Variants in MAP4K4 observed in about 807,000 individuals in gnomAD.
MAP4K4 encodes the protein HPK/GCK-like kinase HGK.
In MAP4K4, 38 loss-of-function variants were observed where a neutral mutation model predicts 189.6. The ratio of observed to expected loss-of-function variants is 0.20; its 90% CI spans 0.15 to 0.26. MAP4K4 has a LOEUF of 0.26. MAP4K4 is among the 10% of genes least tolerant of loss of function. The probability of loss-of-function intolerance (pLI) is 1.00; values close to 1 mark genes in which losing one functional copy is unlikely to be tolerated. For missense variants in MAP4K4, 1,054 were observed against 1,726.9 expected (o/e 0.61, Z 6.91); for synonymous variants, 610 against 624.3 (o/e 0.98, Z 0.34).
chr2:101,725,916 A>C (rs908187264), intron 2 of MAP4K4, among the ~76,000 whole-genome samples: 1 of 151,730 alleles, frequency 6.6e-6, no homozygotes, highest in African/African-American at 2.4e-5. Flanking sequence ...TCCCCTTACA[A>C]CCTATTTTTT....
At chr2:101,703,617 CAAAAAAAAA>C (rs58122658) in intron 2 of MAP4K4, among the ~76,000 whole-genome samples, 2 of 39,012 alleles carry the variant, frequency 5.1e-5, no homozygotes, top group African/African-American at 1.4e-4. Context: ...GACTCTGTCT[CAAAAAAAAA>C]AAAAAAAAAA....
intron 2 of MAP4K4, among the ~76,000 whole-genome samples, chr2:101,788,215 C>A (rs751346024): frequency 4.6e-5 from 7 of 151,942 alleles, no homozygotes; most frequent in Admixed American, 6.6e-5. Context: ...ACATTTGAGA[C>A]AATTGCAGTC....
chr2:101,840,247 C>G (rs760605667), intron 10 of MAP4K4, among the ~76,000 whole-genome samples: 2 of 152,064 alleles, frequency 1.3e-5, no homozygotes, highest in Non-Finnish European at 2.9e-5. Context: ...TTCTTGTTCC[C>G]GAGGGTCACG....
At chr2:101,798,355 A>G (rs1350216023) in intron 3 of MAP4K4, among the ~76,000 whole-genome samples, 1 of 152,188 alleles carries the variant, frequency 6.6e-6, no homozygotes, top group Non-Finnish European at 1.5e-5. Context: ...CCCATTGAGA[A>G]CACTTGGTGT....
chr2:101,747,696 C>T (rs201341489), intron 2 of MAP4K4, among the ~76,000 whole-genome samples: 19 of 152,256 alleles, frequency 1.2e-4, no homozygotes, highest in East Asian at 7.7e-4. Flanking sequence ...TCCCTGCCCC[C>T]CCTTCTTAGC....
At chr2:101,778,811 A>G (rs1484220631) in intron 2 of MAP4K4, among the ~76,000 whole-genome samples, 1 of 152,050 alleles carries the variant, frequency 6.6e-6, no homozygotes, top group African/African-American at 2.4e-5. Context: ...AGGTTCTGGA[A>G]CACAGACCTT....
intron 2 of MAP4K4, among the ~76,000 whole-genome samples, chr2:101,720,846 G>A (rs550918550): frequency 2.0e-5 from 3 of 152,234 alleles, no homozygotes; most frequent in East Asian, 1.9e-4. Context: ...TTGAATTATT[G>A]CTGAATTTTT....
intron 23 of MAP4K4, chr2:101,870,653 A>G (rs1043433504): frequency 2.0e-6 from 1 of 494,370 alleles, no homozygotes; most frequent in Non-Finnish European, 3.7e-6. Flanking sequence ...GGCAGCCCTC[A>G]TTCAAGCACC....
At position 101,712,506 on chromosome 2, in the gene MAP4K4, T is replaced by C. The variant is rs117737861; in HGVS notation, c.123+13968T>C. 1.6e-4 allele frequency among the ~76,000 whole-genome samples: 25 copies of C among 151,966 alleles called. No homozygotes were observed. In the East Asian group the frequency reaches 4.6e-3, roughly 28 times the overall value. On this transcript the variant is annotated intron_variant, in intron 2 of 32. Coordinates refer to ENST00000324219, the Ensembl canonical transcript of MAP4K4. The stretch of plus-strand genomic sequence containing the variant: ...ACTGTGCCTGGCCCTATTTTTTATT[T>C]TATTTTTTTTTGAGACAGTATCTCC...
At chr2:101,705,709 T>C (rs1180411649) in intron 2 of MAP4K4, among the ~76,000 whole-genome samples, 1 of 152,226 alleles carries the variant, frequency 6.6e-6, no homozygotes, top group Admixed American at 6.5e-5. Flanking sequence ...AGAAATGATC[T>C]TGCTGTGGTC....
intron 2 of MAP4K4, among the ~76,000 whole-genome samples, chr2:101,753,156 A>G (rs191275472): frequency 2.6e-5 from 4 of 152,304 alleles, no homozygotes; most frequent in African/African-American, 9.6e-5. Flanking sequence ...AGATGATGAA[A>G]CTGAAGCTTA....
At chr2:101,736,893 G>A (rs2060471731) in intron 2 of MAP4K4, among the ~76,000 whole-genome samples, 1 of 152,104 alleles carries the variant, frequency 6.6e-6, no homozygotes, top group Admixed American at 6.6e-5. Flanking sequence ...TAAAGCCCTG[G>A]CAGCACAAGT....
chr2:101,878,585 A>T (rs2098280915), intron 27 of MAP4K4, among the ~76,000 whole-genome samples: 1 of 152,080 alleles, frequency 6.6e-6, no homozygotes, highest in Non-Finnish European at 1.5e-5. Flanking sequence ...TTTTTCTCTC[A>T]TGTGAACATT....
intron 3 of MAP4K4, among the ~76,000 whole-genome samples, chr2:101,799,004 A>G (rs892055256): frequency 8.5e-5 from 13 of 152,142 alleles, no homozygotes; most frequent in Admixed American, 5.9e-4. Context: ...TCTGGGTTTC[A>G]TTTTTAGAAT....
At chr2:101,767,742 A>G (rs2079265883) in intron 2 of MAP4K4, among the ~76,000 whole-genome samples, 1 of 152,182 alleles carries the variant, frequency 6.6e-6, no homozygotes, top group Non-Finnish European at 1.5e-5. Context: ...GCTCCTTCTA[A>G]CTGACACCCA....
chr2:101,846,978 T>C (rs890327357), intron 12 of MAP4K4, among the ~76,000 whole-genome samples: 3 of 152,214 alleles, frequency 2.0e-5, no homozygotes, highest in Admixed American at 1.3e-4. Context: ...GCCCCTGATA[T>C]AAAGTGGCCT....
intron 17 of MAP4K4, among the ~76,000 whole-genome samples, chr2:101,864,556 C>CCT: frequency 6.6e-6 from 1 of 152,282 alleles, no homozygotes; most frequent in South Asian, 2.1e-4. Flanking sequence ...TTTCTTGCTT[C>CCT]CTGCTAGTCT....
intron 2 of MAP4K4, among the ~76,000 whole-genome samples, chr2:101,704,537 GTGTGTATATATA>G (rs1440090395): frequency 6.7e-5 from 5 of 74,262 alleles, no homozygotes; most frequent in African/African-American, 3.2e-4. Flanking sequence ...GTGTGTGTGT[GTGTGTATATATA>G]TATATATATA....
intron 2 of MAP4K4, among the ~76,000 whole-genome samples, chr2:101,754,302 C>T (rs62155733): frequency 0.28 from 41,789 of 148,536 alleles, 6,602 homozygotes; most frequent in South Asian, 0.49. Flanking sequence ...ATTCTATTCA[C>T]GGTATATTAG....
Sources: gnomAD v4.1 joint callset for allele counts (sites outside exome capture counted in the v4.1 genomes callset) on GRCh38, gnomAD v4.1.1 for gene constraint, MANE v1.5 for transcripts, NCBI Gene and HGNC (gene_info 2026-07-23, HGNC 2026-07-21) for gene names.